FRMD5: variants seen among roughly 807,000 people sequenced by gnomAD.
FRMD5 encodes the protein FERM domain-containing protein 5.
A neutral mutation model predicts 69.0 loss-of-function variants in FRMD5; 20 were observed. The observed-to-expected ratio is 0.29, with a 90% CI of 0.20 to 0.42. The LOEUF is 0.42. Ranked by LOEUF, FRMD5 falls within the 10% of genes least tolerant of loss-of-function variation. The pLI is 1.00. For missense variants in FRMD5, 595 were observed against 708.6 expected, an observed-to-expected ratio of 0.84 and a Z score of 1.82; for synonymous variants, 271 against 260.1, an observed-to-expected ratio of 1.04 and a Z score of -0.40.
chr15:44,148,379 C>T lies in FRMD5; in HGVS notation c.102+46574G>A, dbSNP rs529216753. Among the ~76,000 whole-genome samples the T allele has an allele frequency of 2.6e-5, 4 of 152,100 alleles. No homozygotes were observed. In the South Asian group the frequency reaches 8.3e-4, roughly 31 times the overall value. On this transcript the variant is annotated intron_variant, in intron 1 of 13. Transcript: ENST00000417257. The stretch of plus-strand genomic sequence containing the variant: ...CTCTGCCTCCCGGGTTCACGCCATT[C>T]TCCTGCCTCAGCCTCCCGAGTAGCT...
In FRMD5 at chr15:44,171,218, AAT is replaced by A. The variant is rs1322334603; in HGVS notation, c.102+23733_102+23734del. Among the ~76,000 whole-genome samples the A allele has an allele frequency of 1.3e-5, 2 of 152,252 alleles. 1 individual carries two copies. Among genetic ancestry groups the A allele is most frequent in the East Asian group, 3.8e-4 (2 of 5,200 alleles). On this transcript the variant is annotated intron_variant, in intron 1 of 13. Coordinates refer to ENST00000417257, the MANE Select transcript of FRMD5 (RefSeq NM_032892.5). The stretch of plus-strand genomic sequence containing the variant: ...TACAAAATATACTAAGTTATCACAG[AAT>A]AGTGACAATTTTAGAATTTCTTGAT...
rs942057980 is a variant in FRMD5 at position 43,872,567 on chromosome 15, C to T, written c.*1318G>A. ...TGTGCTGCGTGCTTCGAGGACTTCC[C>T]TCTGCAAGGATGGTGATGCTTTCCT... is the stretch of plus-strand genomic sequence containing the variant. On this transcript the variant is annotated 3_prime_UTR_variant, in exon 14 of 14. Transcript: ENST00000417257. 2.0e-5 allele frequency: 3 copies of T among 152,382 alleles called. No homozygotes were observed. Among genetic ancestry groups the T allele is most frequent in the Non-Finnish European group, 4.4e-5 (3 of 68,202 alleles). The allele number at this position is 152,382 out of a possible 1,614,324, so 9.4% of individuals were successfully genotyped here.
intron 1 of FRMD5, among the ~76,000 whole-genome samples, chr15:44,077,672 CAGAT>C (rs1893825748): frequency 6.6e-6 from 1 of 151,918 alleles, no homozygotes; most frequent in Non-Finnish European, 1.5e-5. Flanking sequence ...TTCCTTCAAA[CAGAT>C]AGGGGAGGAA....
intron 1 of FRMD5, among the ~76,000 whole-genome samples, chr15:43,971,615 T>G (rs1216693312): frequency 7.2e-6 from 1 of 139,780 alleles, no homozygotes; most frequent in Non-Finnish European, 1.5e-5. Flanking sequence ...ACCCAGGAGG[T>G]GGAGGTTGCA....
In FRMD5 at chr15:43,873,482, A is replaced by T; in HGVS notation, c.*403T>A. On this transcript the variant is annotated 3_prime_UTR_variant, in exon 14 of 14. Transcript: ENST00000417257. ...AGAATACAGAGGACAGCAGCTCTCTAGTTTTCAACTAGTGTCCCCTCTGCT... is the reference window on the plus strand; with the variant it reads ...AGAATACAGAGGACAGCAGCTCTCTTGTTTTCAACTAGTGTCCCCTCTGCT... 7.0e-7 allele frequency: 1 copy of T among 1,422,004 alleles called. No homozygotes were observed. Among genetic ancestry groups the T allele is most frequent in the Non-Finnish European group, 9.1e-7 (1 of 1,099,152 alleles). 88.1% of individuals were successfully genotyped at this position (1,422,004 alleles called of 1,614,324 possible). A position where few individuals can be genotyped will look rare whatever the true frequency, so the allele number is the denominator to read the frequency against.
chr15:43,910,018 T>C (rs750837384), intron 4 of FRMD5, 39 bp from the exon 5 acceptor site: 5 of 1,179,812 alleles, frequency 4.2e-6, no homozygotes, highest in Non-Finnish European at 5.0e-6. Flanking sequence ...AAGGATTTCT[T>C]TGATTGCTTT....
chr15:44,132,447 G>A (rs757448026), intron 1 of FRMD5, among the ~76,000 whole-genome samples: 32 of 152,148 alleles, frequency 2.1e-4, no homozygotes, highest in Non-Finnish European at 4.0e-4. Flanking sequence ...TATTTATTTA[G>A]AGAAAGAAAC....
chr15:44,069,134 A>G (rs1473563641), intron 1 of FRMD5, among the ~76,000 whole-genome samples: 1 of 152,230 alleles, frequency 6.6e-6, no homozygotes, highest in African/African-American at 2.4e-5. Context: ...AAATATCACT[A>G]CACACCTATC....
intron 1 of FRMD5, among the ~76,000 whole-genome samples, chr15:44,156,105 T>A (rs1182947785): frequency 6.6e-6 from 1 of 152,042 alleles, no homozygotes; most frequent in African/African-American, 2.4e-5. Context: ...TGAACTGAGG[T>A]CAGTCAACTA....
chr15:44,127,272 G>A (rs1156231996), intron 1 of FRMD5, among the ~76,000 whole-genome samples: 1 of 152,096 alleles, frequency 6.6e-6, no homozygotes, highest in Non-Finnish European at 1.5e-5. Context: ...TTGTATTTTT[G>A]GTGGAGACAG....
At chr15:44,090,088 C>A (rs2076450360) in intron 1 of FRMD5, among the ~76,000 whole-genome samples, 1 of 152,174 alleles carries the variant, frequency 6.6e-6, no homozygotes, top group African/African-American at 2.4e-5. Flanking sequence ...GGAGCTCCTA[C>A]TTGAATTCCC....
chr15:44,084,231 C>CTT (rs1456600419), intron 1 of FRMD5, among the ~76,000 whole-genome samples: 1 of 151,982 alleles, frequency 6.6e-6, no homozygotes, highest in Non-Finnish European at 1.5e-5. Flanking sequence ...ACACACCTAT[C>CTT]TTTACATTAT....
chr15:44,022,911 T>C (rs1244463756), intron 1 of FRMD5, among the ~76,000 whole-genome samples: 1 of 152,178 alleles, frequency 6.6e-6, no homozygotes, highest in Middle Eastern at 3.2e-3. Flanking sequence ...TTTTGGGTTA[T>C]ATGCATTTGT....
intron 1 of FRMD5, among the ~76,000 whole-genome samples, chr15:44,041,886 C>A (rs985661079): frequency 6.6e-6 from 1 of 151,872 alleles, no homozygotes; most frequent in African/African-American, 2.4e-5. Context: ...GAAGCAAGAG[C>A]AAACAAATTC....
intron 1 of FRMD5, among the ~76,000 whole-genome samples, chr15:43,985,280 C>CA (rs34455065): frequency 0.73 from 56,372 of 77,372 alleles, 22,480 homozygotes; most frequent in Non-Finnish European, 0.87. Context: ...GACTCCGTCT[C>CA]AAAAAAAAAA....
intron 1 of FRMD5, among the ~76,000 whole-genome samples, chr15:44,176,233 T>A (rs2077892259): frequency 6.6e-6 from 1 of 152,216 alleles, no homozygotes; most frequent in Non-Finnish European, 1.5e-5. Context: ...CCCATATATT[T>A]ATGGTCTATT....
chr15:44,083,419 T>C (rs1894071063), intron 1 of FRMD5, among the ~76,000 whole-genome samples: 1 of 152,054 alleles, frequency 6.6e-6, no homozygotes, highest in African/African-American at 2.4e-5. Flanking sequence ...TTTAATGCTA[T>C]GTGTTTAAAT....
At chr15:44,143,275 G>A (rs1230412626) in intron 1 of FRMD5, among the ~76,000 whole-genome samples, 2 of 151,990 alleles carry the variant, frequency 1.3e-5, no homozygotes, top group Non-Finnish European at 2.9e-5. Context: ...CTACCTTCAT[G>A]TAGCCTGCTT....
At chr15:43,992,914 C>T (rs1443059574) in intron 1 of FRMD5, among the ~76,000 whole-genome samples, 1 of 152,114 alleles carries the variant, frequency 6.6e-6, no homozygotes, top group Non-Finnish European at 1.5e-5. Flanking sequence ...AAACTCACCC[C>T]TTAGCACTGC....
Sources: gnomAD v4.1 joint callset for allele counts (sites outside exome capture counted in the v4.1 genomes callset) on GRCh38, gnomAD v4.1.1 for gene constraint, MANE v1.5 for transcripts, NCBI Gene and HGNC (gene_info 2026-07-23, HGNC 2026-07-21) for gene names.